CDC42BPA: variants seen among roughly 807,000 people sequenced by gnomAD.
CDC42BPA encodes the protein serine/threonine-protein kinase MRCK alpha.
CDC42BPA carries 80 observed loss-of-function variants against 223.5 expected under a neutral mutation model. The ratio of observed to expected loss-of-function variants is 0.36; its 90% CI spans 0.30 to 0.43. The LOEUF (loss-of-function observed/expected upper bound fraction) is 0.43, where lower values mean the gene tolerates loss of function less well. Ranked by LOEUF, CDC42BPA falls within the 20% of genes least tolerant of loss-of-function variation. The pLI is 1.00. For synonymous variants in CDC42BPA, 694 were observed against 718.6 expected (o/e 0.97, Z 0.55); for missense variants, 1,743 against 2,099.9 (o/e 0.83, Z 3.32).
intron 1 of CDC42BPA, among the ~76,000 whole-genome samples, chr1:227,278,653 A>G (rs1281309218): frequency 1.3e-5 from 2 of 152,214 alleles, no homozygotes; most frequent in Non-Finnish European, 2.9e-5. Context: ...TCCAAATTGT[A>G]TATCCCTAAT....
intron 11 of CDC42BPA, among the ~76,000 whole-genome samples, chr1:227,125,446 T>C (rs1318530473): frequency 6.6e-6 from 1 of 151,592 alleles, no homozygotes; most frequent in African/African-American, 2.4e-5. Flanking sequence ...ACCCCGTCTC[T>C]ACTAAAAATA....
rs192455904 is a variant in CDC42BPA, at chr1:226,999,659, T to C, written c.4976-4679A>G. Among the ~76,000 whole-genome samples the C allele has an allele frequency of 3.0e-4, 45 of 152,252 alleles. No individual in the cohort carries two copies. The East Asian group carries it at 3.5e-3, about 12-fold the overall frequency. On this transcript the variant is annotated intron_variant, in intron 35 of 36. Coordinates refer to ENST00000366766, the MANE Select transcript of CDC42BPA (RefSeq NM_001394014.1). ...AAAGACACATGCACACGTATGTTTA[T>C]TGCAGCACTATTCACCATAGCAAAG...
intron 21 of CDC42BPA, among the ~76,000 whole-genome samples, chr1:227,063,094 T>C (rs1676268313): frequency 1.3e-5 from 2 of 152,210 alleles, no homozygotes; most frequent in South Asian, 4.1e-4. Flanking sequence ...CTAATTTTTA[T>C]GTTTTCAATA....
chr1:227,297,024 T>G (rs1023926297), intron 1 of CDC42BPA, among the ~76,000 whole-genome samples: 1 of 152,166 alleles, frequency 6.6e-6, no homozygotes, highest in Non-Finnish European at 1.5e-5. Context: ...AGACTATGCA[T>G]ATGGGGAGGC....
chr1:227,309,436 TATAA>T (rs1693140225), intron 1 of CDC42BPA, among the ~76,000 whole-genome samples: 1 of 152,170 alleles, frequency 6.6e-6, no homozygotes, highest in Non-Finnish European at 1.5e-5. Flanking sequence ...TAACAGTATA[TATAA>T]ATAGTTGCTG....
intron 16 of CDC42BPA, among the ~76,000 whole-genome samples, chr1:227,088,321 T>C: frequency 6.6e-6 from 1 of 152,188 alleles, no homozygotes; most frequent in East Asian, 1.9e-4. Context: ...ATTAGTTCAT[T>C]TTTCATGTTT....
rs1441746151 is a variant in CDC42BPA at position 227,006,949 on chromosome 1, T to A, written c.4858-1838A>T. Among the ~76,000 whole-genome samples, 39 of 148,138 alleles carry A rather than the reference T, an allele frequency of 2.6e-4. No individual in the cohort carries two copies. In the South Asian group the frequency reaches 4.8e-3, roughly 18 times the overall value. On this transcript the variant is annotated intron_variant, in intron 34 of 36. Coordinates refer to ENST00000366766, the MANE Select transcript of CDC42BPA (RefSeq NM_001394014.1). ...TCACTCTGCAGAGTGAGACTCCGTC[T>A]CAACAACAACAACAACAACAACAAC...
intron 35 of CDC42BPA, among the ~76,000 whole-genome samples, chr1:226,995,498 A>C (rs1661430103): frequency 7.8e-6 from 1 of 127,392 alleles, no homozygotes; most frequent in Non-Finnish European, 1.9e-5. Flanking sequence ...CGGTTGTACC[A>C]TCCCGAGAGA....
chr1:226,994,096 G>C lies in CDC42BPA; in HGVS notation c.*172C>G. 1 of 567,724 alleles carries C rather than the reference G, an allele frequency of 1.8e-6. No homozygotes were observed. Among genetic ancestry groups the C allele is most frequent in the Non-Finnish European group, 3.1e-6 (1 of 320,848 alleles). 35.2% of individuals were successfully genotyped at this position (567,724 alleles called of 1,614,324 possible). ...CTGTCTTTGTTGTTGCTGTTAGGCT[G>C]GGGGCGTGGATCTGAGAGTCGTGTC... On this transcript the variant is annotated 3_prime_UTR_variant, in exon 37 of 37. Coordinates refer to ENST00000366766, the MANE Select transcript of CDC42BPA (RefSeq NM_001394014.1). The surrounding 1 kb of genome is among the most constrained non-coding windows in gnomAD (Gnocchi z 4.0).
At chr1:227,144,574 C>CAAAAAAAAAAAAAAAAAAA (rs57568297) in intron 8 of CDC42BPA, among the ~76,000 whole-genome samples, 1 of 63,484 alleles carries the variant, frequency 1.6e-5, no homozygotes, top group Non-Finnish European at 2.7e-5. Flanking sequence ...GACTCTGTCT[C>CAAAAAAAAAAAAAAAAAAA]AAAAAAAAAA....
chr1:227,160,281 A>G (rs1353791147), intron 6 of CDC42BPA, among the ~76,000 whole-genome samples: 1 of 152,218 alleles, frequency 6.6e-6, no homozygotes, highest in African/African-American at 2.4e-5. Context: ...CCAACTAAAG[A>G]AGGAGCAAAC....
chr1:227,045,383 A>C (rs1672236409), intron 23 of CDC42BPA, among the ~76,000 whole-genome samples: 1 of 152,106 alleles, frequency 6.6e-6, no homozygotes, highest in Non-Finnish European at 1.5e-5. Flanking sequence ...AATCTCCTTA[A>C]AGGTTTAAAA....
chr1:227,094,869 AAT>A (rs1683711060), intron 15 of CDC42BPA, among the ~76,000 whole-genome samples: 1 of 152,174 alleles, frequency 6.6e-6, no homozygotes, highest in African/African-American at 2.4e-5. Context: ...AAGAGATGAG[AAT>A]GTCAGAGTGG....
chr1:227,250,507 TAAAA>T (rs2148230802), intron 2 of CDC42BPA, among the ~76,000 whole-genome samples: 1 of 151,586 alleles, frequency 6.6e-6, no homozygotes, highest in South Asian at 2.1e-4. Context: ...AAATAAAAAA[TAAAA>T]AAAGAATGCT....
intron 9 of CDC42BPA, among the ~76,000 whole-genome samples, chr1:227,139,985 A>G (rs1558592179): frequency 6.6e-6 from 1 of 152,182 alleles, no homozygotes; most frequent in East Asian, 1.9e-4. Context: ...AAAACCTAAA[A>G]TCCCCCAAAT....
At chr1:227,065,963 A>G (rs1038265464) in intron 21 of CDC42BPA, among the ~76,000 whole-genome samples, 22 of 152,218 alleles carry the variant, frequency 1.4e-4, no homozygotes, top group African/African-American at 5.3e-4. Context: ...AACGAGACAG[A>G]AAACAAAAAA....
Position 227,069,757 on chromosome 1 carries a change from G to A in CDC42BPA, c.2904+20C>T, listed in dbSNP as rs756668139. On this transcript the variant is annotated intron_variant, in intron 21 of 36. Transcript: ENST00000366766. Reference sequence around the variant, plus strand: ...ATTTTAAATTGACCCCAGAGGATATGTGACATGTTTAATACTTACTTCAAA... The same window carrying A: ...ATTTTAAATTGACCCCAGAGGATATATGACATGTTTAATACTTACTTCAAA... The A allele has an allele frequency of 1.3e-6, 2 of 1,540,388 alleles. No homozygotes were observed. Among genetic ancestry groups the A allele is most frequent in the Non-Finnish European group, 9.0e-7 (1 of 1,115,798 alleles).
intron 2 of CDC42BPA, among the ~76,000 whole-genome samples, chr1:227,244,701 A>G (rs888589348): frequency 6.6e-6 from 1 of 152,170 alleles, no homozygotes; most frequent in African/African-American, 2.4e-5. Context: ...AGAGAAAAGC[A>G]CTCTCACAAG....
Position 227,147,410 on chromosome 1 carries a change from T to C in CDC42BPA, c.843A>G (p.Pro281=), listed in dbSNP as rs1461512863. Residue 281 remains proline, a synonymous_variant, in exon 7 of 37, where the codon CCA becomes CCG. Transcript: ENST00000366766. ...TCTCCACCAGCGATTCTGCATAAAA[T>C]GGTGTTTCTCCGTAAAGCATTTCAT... The part of the protein sequence containing the change: ...CMYEMLYGET[P]FYAESLVETY... The C allele has an allele frequency of 6.2e-7, 1 of 1,613,382 alleles. No homozygotes were observed. Among genetic ancestry groups the C allele is most frequent in the East Asian group, 2.2e-5 (1 of 44,804 alleles).
Sources: allele counts gnomAD v4.1 joint callset (sites outside exome capture counted in the v4.1 genomes callset), GRCh38; gene constraint gnomAD v4.1.1; non-coding constraint Gnocchi (gnomAD v3.1); transcripts MANE v1.5; gene names NCBI Gene and HGNC (gene_info 2026-07-23, HGNC 2026-07-21).